The following SLC4A7 variants were observed in gnomAD, a reference collection of about 807,000 sequenced individuals.
SLC4A7 encodes sodium bicarbonate cotransporter 3.
A neutral mutation model predicts 137.6 loss-of-function variants in SLC4A7; 51 were observed. The observed-to-expected ratio is 0.37, with a 90% CI of 0.30 to 0.47. The LOEUF is 0.47. SLC4A7 is among the 20% of genes least tolerant of loss of function. The pLI is 1.00. For missense variants in SLC4A7, 1,247 were observed against 1,525.4 expected, an observed-to-expected ratio of 0.82 and a Z score of 3.04; for synonymous variants, 542 against 518.6, an observed-to-expected ratio of 1.05 and a Z score of -0.61.
At chr3:27,448,422 T>C (rs1267192028) in intron 3 of SLC4A7, among the ~76,000 whole-genome samples, 2 of 151,916 alleles carry the variant, frequency 1.3e-5, no homozygotes, top group African/African-American at 4.8e-5. Flanking sequence ...AAGCCCTTTA[T>C]TTTTTCACTT....
intron 15 of SLC4A7, 147 bp from the exon 16 acceptor site, chr3:27,401,016 A>G (rs1315913065): frequency 2.0e-6 from 1 of 503,530 alleles, no homozygotes; most frequent in Admixed American, 3.7e-5. Context: ...AATACATCAG[A>G]AACAACAGAA....
rs185473258 is a variant in SLC4A7, at chr3:27,413,176, A to C, written c.1660-1428T>G. ...TATAACTCCATGCAAATAAATTTGA[A>C]ACCTAGATGAAACTGGTAATATACT... On this transcript the variant is annotated intron_variant, in intron 11 of 25. Transcript: ENST00000454389. Among the ~76,000 whole-genome samples the C allele has an allele frequency of 2.2e-4, 34 of 152,300 alleles. No individual in the cohort carries two copies. In the East Asian group the frequency reaches 4.8e-3, roughly 22 times the overall value.
intron 15 of SLC4A7, 84 bp from the exon 16 acceptor site, chr3:27,400,953 A>C: frequency 1.4e-6 from 1 of 735,656 alleles, no homozygotes; most frequent in Non-Finnish European, 2.3e-6. Context: ...AATGTGGTAG[A>C]TTTTAACTTC....
At chr3:27,387,370 C>G (rs2051076956) in intron 22 of SLC4A7, among the ~76,000 whole-genome samples, 1 of 151,914 alleles carries the variant, frequency 6.6e-6, no homozygotes, top group African/African-American at 2.4e-5. Context: ...TAATGCACAC[C>G]CAGACAAGAT....
intron 24 of SLC4A7, among the ~76,000 whole-genome samples, chr3:27,381,372 T>C (rs915615679): frequency 3.9e-5 from 6 of 152,228 alleles, no homozygotes; most frequent in African/African-American, 1.4e-4. Flanking sequence ...GTAGTTCCTA[T>C]ACTCTTTTTA....
chr3:27,438,875 G>A (rs1559770141), intron 3 of SLC4A7, among the ~76,000 whole-genome samples: 1 of 152,152 alleles, frequency 6.6e-6, no homozygotes. Context: ...AAACAAAACT[G>A]TAAGCTTGGG....
rs191402880 is a variant in SLC4A7, at chr3:27,476,029, C to A, written c.60+8038G>T. Among the ~76,000 whole-genome samples, 775 of 152,268 alleles carry A rather than the reference C, an allele frequency of 5.1e-3. 5 individuals carry two copies. The highest frequency in any genetic ancestry group is 6.6e-3 in the Non-Finnish European group (447 of 68,018). ...AGAATAGCATAATTTCAAACCAATA[C>A]ATATAACGGCTGACATCTGGAATCT... is the stretch of plus-strand genomic sequence containing the variant. On this transcript the variant is annotated intron_variant, in intron 1 of 25. Transcript: ENST00000454389.
At chr3:27,481,121 G>A (rs1236355378) in intron 1 of SLC4A7, among the ~76,000 whole-genome samples, 1 of 152,094 alleles carries the variant, frequency 6.6e-6, no homozygotes, top group Non-Finnish European at 1.5e-5. Context: ...TCTAAACCAT[G>A]CTATTTATAA....
intron 1 of SLC4A7, chr3:27,456,741 C>G (rs2058435243): frequency 6.3e-7 from 1 of 1,595,982 alleles, no homozygotes; most frequent in African/African-American, 1.4e-5. Context: ...CTTGAAGATT[C>G]CAGGGACAGT....
intron 25 of SLC4A7, among the ~76,000 whole-genome samples, chr3:27,378,945 C>G (rs2149999104): frequency 6.6e-6 from 1 of 152,136 alleles, no homozygotes; most frequent in Admixed American, 6.5e-5. Flanking sequence ...CTCTTGTCCC[C>G]CAGGCTGGAG....
rs115886712 is a variant in SLC4A7, at chr3:27,395,395, C to T, written c.2704-280G>A. Among the ~76,000 whole-genome samples, 1,098 of 152,242 alleles carry T rather than the reference C, an allele frequency of 7.2e-3. 9 individuals are homozygous for T. The highest frequency in any genetic ancestry group is 0.025 in the African/African-American group (1,039 of 41,544). On this transcript the variant is annotated intron_variant, in intron 18 of 25. Coordinates refer to ENST00000454389, the MANE Select transcript of SLC4A7 (RefSeq NM_001321103.2). ...GATGACCCTGTGACTTACTTTAACCCACAGAATAAGGCCAAAGTGACACTA... is the reference window on the plus strand; with the variant it reads ...GATGACCCTGTGACTTACTTTAACCTACAGAATAAGGCCAAAGTGACACTA...
At chr3:27,444,930 C>T (rs2057473975) in intron 3 of SLC4A7, among the ~76,000 whole-genome samples, 2 of 152,114 alleles carry the variant, frequency 1.3e-5, no homozygotes, top group Admixed American at 1.3e-4. Flanking sequence ...ATACTTTGCC[C>T]TGGCATATAG....
At chr3:27,453,120 T>C in intron 1 of SLC4A7, among the ~76,000 whole-genome samples, 1 of 152,168 alleles carries the variant, frequency 6.6e-6, no homozygotes, top group East Asian at 1.9e-4. Context: ...TCTTTTCAGT[T>C]CAACAAAAAG....
At chr3:27,393,726 T>C (rs1419160195) in intron 20 of SLC4A7, among the ~76,000 whole-genome samples, 1 of 152,114 alleles carries the variant, frequency 6.6e-6, no homozygotes. Context: ...ATTTCTATAA[T>C]CTAACTTACA....
At chr3:27,460,573 AAAG>A (rs1485201917) in intron 1 of SLC4A7, among the ~76,000 whole-genome samples, 12 of 152,238 alleles carry the variant, frequency 7.9e-5, no homozygotes, top group Non-Finnish European at 1.3e-4. Context: ...ACGCTAAAGT[AAAG>A]TAGATCCCTC....
intron 3 of SLC4A7, among the ~76,000 whole-genome samples, chr3:27,443,397 G>GT (rs1463959683): frequency 6.6e-6 from 1 of 151,844 alleles, no homozygotes; most frequent in Non-Finnish European, 1.5e-5. Flanking sequence ...ATTTGTGGGG[G>GT]TTTTTTGTCC....
At chr3:27,463,450 A>T (rs1227778255) in intron 1 of SLC4A7, among the ~76,000 whole-genome samples, 1 of 151,436 alleles carries the variant, frequency 6.6e-6, no homozygotes, top group Non-Finnish European at 1.5e-5. Flanking sequence ...TACAAAAAAT[A>T]CAAAAATTAG....
At chr3:27,418,873 T>C (rs547937759) in intron 10 of SLC4A7, among the ~76,000 whole-genome samples, 55 of 152,270 alleles carry the variant, frequency 3.6e-4, no homozygotes, top group African/African-American at 1.3e-3. Flanking sequence ...ACAGAACAAT[T>C]TTTTAAAAAT....
intron 2 of SLC4A7, among the ~76,000 whole-genome samples, chr3:27,449,067 T>C (rs1381788436): frequency 6.6e-6 from 1 of 152,050 alleles, no homozygotes; most frequent in Non-Finnish European, 1.5e-5. Context: ...GTTTTGTTTT[T>C]GTTTTTGTAT....
Sources: gnomAD v4.1 joint callset for allele counts (sites outside exome capture counted in the v4.1 genomes callset) on GRCh38, gnomAD v4.1.1 for gene constraint, MANE v1.5 for transcripts, NCBI Gene and HGNC (gene_info 2026-07-23, HGNC 2026-07-21) for gene names.